FKBP1B: variants seen among roughly 807,000 people sequenced by gnomAD.
The protein encoded by FKBP1B is FKBP prolyl isomerase 1B.
A neutral mutation model predicts 13.5 loss-of-function variants in FKBP1B; 4 were observed. The observed-to-expected ratio is 0.30, with a 90% CI of 0.15 to 0.68. The LOEUF is 0.68. Among genes scored for constraint, FKBP1B ranks in the 30% least tolerant of loss-of-function variants. FKBP1B has a pLI of 0.76. For synonymous variants in FKBP1B, 54 were observed against 53.6 expected (o/e 1.01, Z -0.03); for missense variants, 93 against 136.2 (o/e 0.68, Z 1.58).
the FKBP1B span, chr2:24,038,590 CAAAT>C: frequency 6.2e-7 from 1 of 1,613,798 alleles, no homozygotes; most frequent in Non-Finnish European, 8.5e-7. Flanking sequence ...TTTTCTTAGA[CAAAT>C]AAGAGAATTA....
At chr2:24,053,472 T>C (rs1663974035) in intron 1 of FKBP1B, among the ~76,000 whole-genome samples, 1 of 151,996 alleles carries the variant, frequency 6.6e-6, no homozygotes, top group Admixed American at 6.6e-5. Flanking sequence ...TCATCTTTGA[T>C]GGATGGATTA....
the FKBP1B span, among the ~76,000 whole-genome samples, chr2:24,044,325 A>G: frequency 1.5e-4 from 23 of 152,064 alleles, no homozygotes; most frequent in African/African-American, 5.6e-4. Context: ...GCTGGAGTGC[A>G]GTGGCATGAT....
At chr2:24,035,459 G>A in the FKBP1B span, among the ~76,000 whole-genome samples, 2 of 151,990 alleles carry the variant, frequency 1.3e-5, no homozygotes, top group Non-Finnish European at 2.9e-5. Context: ...AGAGTTCTTG[G>A]TATACAGTTT....
chr2:24,063,322 C>A lies in FKBP1B; in HGVS notation c.*130C>A. 2.3e-6 allele frequency: 2 copies of A among 867,516 alleles called. No individual in the cohort carries two copies. The highest frequency in any genetic ancestry group is 3.3e-6 in the Non-Finnish European group (2 of 598,144). 53.7% of individuals were successfully genotyped at this position (867,516 alleles called of 1,614,324 possible). A position where few individuals can be genotyped will look rare whatever the true frequency, so the allele number is the denominator to read the frequency against. On this transcript the variant is annotated 3_prime_UTR_variant, in exon 4 of 4. Coordinates refer to ENST00000380986, the MANE Select transcript of FKBP1B (RefSeq NM_004116.5). ...TAACCTCACTGCCTCATGGCATCAT[C>A]CATTCTCTCTGCCCAAGTTGCTCTG...
chr2:24,062,892 G>C (rs576011350), intron 3 of FKBP1B, 172 bp from the exon 4 acceptor site: 1 of 944,810 alleles, frequency 1.1e-6, no homozygotes, highest in East Asian at 2.6e-5. Context: ...CAGAATCTGC[G>C]TTTGTTAAAG....
chr2:24,052,136 T>C (rs1253917020), intron 1 of FKBP1B, among the ~76,000 whole-genome samples: 1 of 152,126 alleles, frequency 6.6e-6, no homozygotes, highest in East Asian at 1.9e-4. Context: ...GCTTCGAAAA[T>C]ATGTCTCCAA....
chr2:24,054,319 A>G (rs1004526067), intron 2 of FKBP1B: 1 of 390,806 alleles, frequency 2.6e-6, no homozygotes. Flanking sequence ...TCCATCCTGC[A>G]GTATCATTAG....
At chr2:24,044,059 T>C in the FKBP1B span, among the ~76,000 whole-genome samples, 2 of 152,222 alleles carry the variant, frequency 1.3e-5, no homozygotes, top group Non-Finnish European at 2.9e-5. Context: ...TATCTACTTA[T>C]GTACTTTAAA....
At chr2:24,058,706 A>G (rs545029796) in intron 2 of FKBP1B, among the ~76,000 whole-genome samples, 1 of 152,338 alleles carries the variant, frequency 6.6e-6, no homozygotes, top group East Asian at 1.9e-4. Flanking sequence ...ATATTTTCTT[A>G]GCATCTATTT....
intron 2 of FKBP1B, 85 bp from the exon 3 acceptor site, chr2:24,060,729 G>GTC: frequency 3.1e-6 from 3 of 957,764 alleles, no homozygotes; most frequent in Admixed American, 1.8e-5. Context: ...GTGCAGAAAA[G>GTC]GCATTCCATT....
chr2:24,035,323 TG>T, the FKBP1B span, among the ~76,000 whole-genome samples: 1,540 of 130,616 alleles, frequency 0.012, 32 homozygotes, highest in African/African-American at 0.041. Context: ...TTCCCTTTTG[TG>T]TAACAAAAGG....
intron 1 of FKBP1B, 60 bp downstream of exon 1, chr2:24,049,946 CG>C (rs1418577442): frequency 3.9e-6 from 5 of 1,283,512 alleles, no homozygotes; most frequent in African/African-American, 1.6e-5. Context: ...GCCCGGAGGG[CG>C]GGGGTCTGAT....
At chr2:24,041,858 C>A in the FKBP1B span, among the ~76,000 whole-genome samples, 30 of 93,224 alleles carry the variant, frequency 3.2e-4, no homozygotes, top group East Asian at 6.8e-4. Flanking sequence ...AACTCTGTCT[C>A]AAAAAAAAAA....
At chr2:24,036,812 A>G in the FKBP1B span, among the ~76,000 whole-genome samples, 1 of 152,216 alleles carries the variant, frequency 6.6e-6, no homozygotes, top group Admixed American at 6.5e-5. Context: ...CTATGTACAC[A>G]AAGACCTGTG....
intron 2 of FKBP1B, among the ~76,000 whole-genome samples, chr2:24,055,282 C>T (rs1291960075): frequency 6.6e-6 from 1 of 151,098 alleles, no homozygotes; most frequent in African/African-American, 2.4e-5. Context: ...GTGATCACAG[C>T]TCATTGCAGC....
chr2:24,038,674 G>A, the FKBP1B span: 6 of 1,614,168 alleles, frequency 3.7e-6, no homozygotes, highest in Non-Finnish European at 4.2e-6. Flanking sequence ...AGAAGAAACT[G>A]ATACTTCAGA....
chr2:24,060,839 T>G lies in FKBP1B; in HGVS notation c.111T>G (p.Phe37Leu). Residue 37 changes from phenylalanine to leucine, a missense_variant, in exon 3 of 4, where the codon TTT becomes TTG. Transcript: ENST00000380986. Reference protein sequence around the residue: ...YTGMLQNGKKFDSSRDRNKPF... With the variant: ...YTGMLQNGKKLDSSRDRNKPF... Reference sequence around the variant, plus strand: ...GAATGCTCCAAAATGGGAAGAAGTTTGATTCATCCAGAGACAGAAACAAAC... The same window carrying G: ...GAATGCTCCAAAATGGGAAGAAGTTGGATTCATCCAGAGACAGAAACAAAC... The G allele has an allele frequency of 6.2e-7, 1 of 1,614,128 alleles. No individual in the cohort carries two copies. The highest frequency in any genetic ancestry group is 1.1e-5 in the South Asian group (1 of 91,082).
the FKBP1B span, among the ~76,000 whole-genome samples, chr2:24,036,337 C>A: frequency 2.7e-5 from 4 of 150,844 alleles, no homozygotes; most frequent in Non-Finnish European, 5.9e-5. Context: ...AAGATCCTGT[C>A]TCTGCTAAAA....
intron 2 of FKBP1B, 71 bp from the exon 3 acceptor site, chr2:24,060,743 G>A (rs575956023): frequency 9.1e-7 from 1 of 1,095,826 alleles, no homozygotes; most frequent in Admixed American, 1.8e-5. Flanking sequence ...TTCCATTTTA[G>A]ACATGTGGAA....
Sources: allele counts gnomAD v4.1 joint callset (sites outside exome capture counted in the v4.1 genomes callset), GRCh38; gene constraint gnomAD v4.1.1; transcripts MANE v1.5; gene names NCBI Gene and HGNC (gene_info 2026-07-23, HGNC 2026-07-21).